FAM219B: variants seen among roughly 807,000 people sequenced by gnomAD.
The protein encoded by FAM219B is protein FAM219B.
In FAM219B, 18 loss-of-function variants were observed where a neutral mutation model predicts 19.9. That is an observed-to-expected ratio of 0.91 (90% CI 0.63 to 1.34). FAM219B has a LOEUF of 1.34. Among genes scored for constraint, FAM219B ranks in the 40% most tolerant of loss-of-function variants. The pLI is 0.00. For missense variants in FAM219B, 283 were observed against 270.5 expected, an observed-to-expected ratio of 1.05 and a Z score of -0.32; for synonymous variants, 123 against 117.5, an observed-to-expected ratio of 1.05 and a Z score of -0.30.
At chr15:74,906,217 T>C in intron 2 of FAM219B, 61 bp downstream of exon 2, 1 of 1,569,196 alleles carries the variant, frequency 6.4e-7, no homozygotes, top group Non-Finnish European at 8.7e-7. Flanking sequence ...CCTGCCTCCG[T>C]CCTGGGGATT....
At chr15:74,906,232 C>A in intron 2 of FAM219B, 46 bp downstream of exon 2, 1 of 1,595,798 alleles carries the variant, frequency 6.3e-7, no homozygotes. Flanking sequence ...GGGATTAAAG[C>A]CTTCTCTAAA....
At chr15:74,904,591 C>A (rs545840111) in intron 4 of FAM219B, 73 bp downstream of exon 4, 1 of 1,566,010 alleles carries the variant, frequency 6.4e-7, no homozygotes, top group East Asian at 2.2e-5. Flanking sequence ...CAGCGGGCAC[C>A]AAACAAGCAT....
chr15:74,905,206 T>G lies in FAM219B; in HGVS notation c.328A>C (p.Thr110Pro). 6.2e-7 allele frequency: 1 copy of G among 1,613,926 alleles called. No individual in the cohort carries two copies. The highest frequency in any genetic ancestry group is 8.5e-7 in the Non-Finnish European group (1 of 1,179,922). The change falls in exon 3 of 5, where the codon ACT (threonine) becomes CCT (proline). Residue 110 changes from threonine (T) to proline (P), a missense_variant. Physicochemically the swap from Thr to Pro is conservative, Grantham distance 38. Transcript: ENST00000357635. ...TCATCTGGACTCTGGCTAAGAGCAG[T>G]ATAGCCCTTGTTAAACTTCACTGAC... ...KRSVKFNKGY[T>P]ALSQSPDENL...
downstream of FAM219B, chr15:74,898,819 G>C (rs959399815): frequency 6.6e-6 from 1 of 152,474 alleles, no homozygotes; most frequent in Non-Finnish European, 1.5e-5. Flanking sequence ...GATTACAGGC[G>C]TGAGCCACCA....
At position 74,906,795 on chromosome 15, in the gene FAM219B, C is replaced by T. The variant is rs1315143788; in HGVS notation, c.6G>A (p.Ala2=). 9 of 1,281,350 alleles carry T rather than the reference C, an allele frequency of 7.0e-6. No homozygotes were observed. In the East Asian group the frequency reaches 1.3e-4, roughly 18 times the overall value. 79.4% of individuals were successfully genotyped at this position (1,281,350 alleles called of 1,614,324 possible). Residue 2 remains alanine (A), a synonymous_variant, in exon 1 of 5, where the codon GCG becomes GCA. Coordinates refer to ENST00000357635, the MANE Select transcript of FAM219B (RefSeq NM_020447.5). ...ACGCGCGCCCGCTGGGCTCCGCGGT[C>T]GCCATGGCCGGGCCCCGCCCTGCCG... M[A]TAEPSGRALR...
rs966341233 is a variant in FAM219B, at chr15:74,903,563, T to C, written c.430-777A>G. On this transcript the variant is annotated intron_variant, in intron 4 of 4. Coordinates refer to ENST00000357635, the MANE Select transcript of FAM219B (RefSeq NM_020447.5). ...TTCCAGTGAGCTGAGATCATGCCAC[T>C]GCACTCCAGCCTGGGCCACAGAGTG... 1.5e-4 allele frequency among the ~76,000 whole-genome samples: 19 copies of C among 127,122 alleles called. No individual in the cohort carries two copies. The Admixed American group carries it at 1.9e-3, about 13-fold the overall frequency. The allele number at this position is 127,122 out of a possible 152,430, so 83.4% of individuals were successfully genotyped here. A position where few individuals can be genotyped will look rare whatever the true frequency, so the allele number is the denominator to read the frequency against.
At position 74,906,837 on chromosome 15, in the gene FAM219B, C is replaced by G; in HGVS notation, c.-37G>C. ...GCCCTGCCGGATGGTGCAACCCCGC[C>G]CGTGGCGAAAGAGTGACCGGCCGAG... On this transcript the variant is annotated 5_prime_UTR_variant, in exon 1 of 5. Transcript: ENST00000357635. The G allele has an allele frequency of 2.4e-6, 3 of 1,240,570 alleles. No homozygotes were observed. The highest frequency in any genetic ancestry group is 3.0e-6 in the Non-Finnish European group (3 of 992,926). The allele number at this position is 1,240,570 out of a possible 1,614,324, so 76.8% of individuals were successfully genotyped here.
At chr15:74,905,817 T>C in intron 2 of FAM219B, 1 of 166,804 alleles carries the variant, frequency 6.0e-6, no homozygotes, top group South Asian at 1.4e-4. Context: ...ACACAAAAAC[T>C]GCAAGTCTTT....
chr15:74,906,095 T>C (rs912443903), intron 2 of FAM219B, 183 bp downstream of exon 2: 6 of 640,526 alleles, frequency 9.4e-6, no homozygotes, highest in Non-Finnish European at 1.6e-5. Context: ...CTTTATCTGA[T>C]CCTATCACAT....
At position 74,902,137 on chromosome 15, in the gene FAM219B, G is replaced by A. The variant is rs1301229262; in HGVS notation, c.*482C>T. On this transcript the variant is annotated 3_prime_UTR_variant, in exon 5 of 5. Coordinates refer to ENST00000357635, the MANE Select transcript of FAM219B (RefSeq NM_020447.5). Reference sequence around the variant, plus strand: ...CTGCAAACCATCTTAGAGCTAGGAAGAATAGAGCAAACGGAATTTCTCGAA... The same window carrying A: ...CTGCAAACCATCTTAGAGCTAGGAAAAATAGAGCAAACGGAATTTCTCGAA... The A allele has an allele frequency of 2.5e-6, 1 of 398,618 alleles. No homozygotes were observed. Among genetic ancestry groups the A allele is most frequent in the East Asian group, 3.6e-5 (1 of 28,092 alleles). 24.7% of individuals were successfully genotyped at this position (398,618 alleles called of 1,614,324 possible).
chr15:74,906,091 C>G lies in FAM219B; in HGVS notation c.302+187G>C, dbSNP rs1171936415. On this transcript the variant is annotated intron_variant, in intron 2 of 4. Transcript: ENST00000357635. ...ACTCCCTTATTCCGAAGCCCTTTATCTGATCCTATCACATCCTTAAAGGAA... is the reference window on the plus strand; with the variant it reads ...ACTCCCTTATTCCGAAGCCCTTTATGTGATCCTATCACATCCTTAAAGGAA... 9.5e-6 allele frequency: 6 copies of G among 631,040 alleles called. No individual in the cohort carries two copies. The East Asian group carries it at 1.7e-4, about 18-fold the overall frequency. The allele number at this position is 631,040 out of a possible 1,614,324, so 39.1% of individuals were successfully genotyped here.
chr15:74,898,014 A>G (rs1333974897), downstream of FAM219B: 1 of 493,192 alleles, frequency 2.0e-6, no homozygotes, highest in Non-Finnish European at 3.7e-6. Flanking sequence ...ACTCTGTTCC[A>G]GCCTATGGCT....
In FAM219B at chr15:74,900,516, C is replaced by G. The variant is rs868737764; in HGVS notation, c.*2103G>C. The G allele has an allele frequency of 6.6e-6, 1 of 152,332 alleles. No homozygotes were observed. The allele number at this position is 152,332 out of a possible 1,614,324, so 9.4% of individuals were successfully genotyped here. A position where few individuals can be genotyped will look rare whatever the true frequency, so the allele number is the denominator to read the frequency against. On this transcript the variant is annotated 3_prime_UTR_variant, in exon 5 of 5. Coordinates refer to ENST00000357635, the MANE Select transcript of FAM219B (RefSeq NM_020447.5). ...CTTACCTTCCACAGCCACCTCCCAG[C>G]ACACACTGGGTCCCTCTACCTGTGT...
rs763772288 is a variant in FAM219B, at chr15:74,906,793, G to A, written c.8C>T (p.Thr3Ile). 2.7e-5 allele frequency: 35 copies of A among 1,284,548 alleles called. No homozygotes were observed. In the Admixed American group the frequency reaches 3.3e-4, roughly 12 times the overall value. 79.6% of individuals were successfully genotyped at this position (1,284,548 alleles called of 1,614,324 possible). ...CAACGCGCGCCCGCTGGGCTCCGCG[G>A]TCGCCATGGCCGGGCCCCGCCCTGC... MA[T>I]AEPSGRALRL... is the part of the protein sequence containing the mutation. Residue 3 changes from threonine (T) to isoleucine (I), a missense_variant, in exon 1 of 5, where the codon ACC becomes ATC. Thr to Ile is a moderately conservative substitution (Grantham distance 89). Coordinates refer to ENST00000357635, the MANE Select transcript of FAM219B (RefSeq NM_020447.5).
chr15:74,904,778 C>T (rs1463341180), intron 3 of FAM219B, 66 bp from the exon 4 acceptor site: 7 of 1,599,162 alleles, frequency 4.4e-6, no homozygotes, highest in Non-Finnish European at 6.0e-6. Context: ...AATCATCAGG[C>T]GGAGAGCATG....
chr15:74,899,338 C>G (rs1595826933), downstream of FAM219B: 2 of 152,214 alleles, frequency 1.3e-5, no homozygotes, highest in African/African-American at 4.8e-5. Flanking sequence ...ACTAGAGTCC[C>G]TATACAATGG....
chr15:74,906,212 C>T, intron 2 of FAM219B, 66 bp downstream of exon 2: 1 of 1,554,052 alleles, frequency 6.4e-7, no homozygotes, highest in Non-Finnish European at 8.7e-7. Flanking sequence ...AGCACCCTGC[C>T]TCCGTCCTGG....
Position 74,906,685 on chromosome 15 carries a change from C to G in FAM219B, c.116G>C (p.Gly39Ala). ...GAAGPPSGQI[G>A]NRALRLGERT... ...CTCCCCCAGACGGAGGGCTCTATTA[C>G]CGATCTGCCCGGAGGGTGGCCCCGC... The change falls in exon 1 of 5, where the codon GGT becomes GCT. Residue 39 changes from glycine to alanine, a missense_variant. Transcript: ENST00000357635. 6.8e-7 allele frequency: 1 copy of G among 1,473,534 alleles called. No homozygotes were observed. The highest frequency in any genetic ancestry group is 9.0e-7 in the Non-Finnish European group (1 of 1,116,004). 91.3% of individuals were successfully genotyped at this position (1,473,534 alleles called of 1,614,324 possible). A position where few individuals can be genotyped will look rare whatever the true frequency, so the allele number is the denominator to read the frequency against.
chr15:74,902,729 TCTC>T lies in FAM219B; in HGVS notation c.484_486del (p.Glu162del), dbSNP rs749672511. The T allele has an allele frequency of 6.2e-7, 1 of 1,612,796 alleles. No homozygotes were observed. Among genetic ancestry groups the T allele is most frequent in the East Asian group, 2.2e-5 (1 of 44,866 alleles). On this transcript the variant is annotated inframe_deletion, in exon 5 of 5. Transcript: ENST00000357635. ...AGGTCCAAGTCCTCGTCATCTGGAA[TCTC>T]ATCCAGGTGATACCCATCCTGAAGC...
Sources: gnomAD v4.1 joint callset for allele counts (sites outside exome capture counted in the v4.1 genomes callset) on GRCh38, gnomAD v4.1.1 for gene constraint, MANE v1.5 for transcripts, NCBI Gene and HGNC (gene_info 2026-07-23, HGNC 2026-07-21) for gene names.